Variants in KCND3 observed in about 807,000 individuals in gnomAD.
KCND3 encodes A-type voltage-gated potassium channel KCND3.
KCND3 carries 9 observed loss-of-function variants against 51.1 expected under a neutral mutation model. The ratio of observed to expected loss-of-function variants is 0.18; its 90% CI spans 0.11 to 0.31. The LOEUF (loss-of-function observed/expected upper bound fraction) is 0.31. Ranked by LOEUF, KCND3 falls within the 10% of genes least tolerant of loss-of-function variation. The pLI, the probability that KCND3 is intolerant of heterozygous loss-of-function variation, is 1.00. For missense variants in KCND3, 526 were observed against 903.8 expected (o/e 0.58, Z 5.36); for synonymous variants, 349 against 368.0 (o/e 0.95, Z 0.59).
Position 111,787,064 on chromosome 1 carries a change from G to A in KCND3, c.1149C>T (p.Phe383=), listed in dbSNP as rs760817061. The change falls in exon 3 of 8, where the codon TTC becomes TTT. Residue 383 remains phenylalanine, a synonymous_variant. Coordinates refer to ENST00000302127, the MANE Select transcript of KCND3 (RefSeq NM_001378969.1). ...MVPKTIAGKI[F]GSICSLSGVL... is the part of the protein sequence containing the mutation. ...CGCCACTCAAGGAGCAGATGGAGCC[G>A]AAGATCTTCCCTGCAATCGTCTTAG... 30 of 1,614,072 alleles carry A rather than the reference G, an allele frequency of 1.9e-5. No individual in the cohort carries two copies. In the African/African-American group the frequency reaches 2.7e-4, roughly 14 times the overall value.
At chr1:111,939,983 G>A (rs1168920168) in intron 2 of KCND3, among the ~76,000 whole-genome samples, 1 of 151,246 alleles carries the variant, frequency 6.6e-6, no homozygotes, top group African/African-American at 2.4e-5. Context: ...AATGCCCAGT[G>A]ATGATGAACT....
intron 2 of KCND3, among the ~76,000 whole-genome samples, chr1:111,886,578 C>G (rs997577705): frequency 1.1e-4 from 16 of 152,094 alleles, no homozygotes; most frequent in Admixed American, 6.5e-4. Context: ...TATTGGGAGG[C>G]CAATTTCAGT....
chr1:111,803,445 AT>A (rs1665413005), intron 2 of KCND3, among the ~76,000 whole-genome samples: 1 of 152,124 alleles, frequency 6.6e-6, no homozygotes. Context: ...TTTTGGGGTG[AT>A]TAGAGGTGGT....
intron 2 of KCND3, among the ~76,000 whole-genome samples, chr1:111,888,784 G>A (rs913147383): frequency 1.3e-5 from 2 of 151,920 alleles, no homozygotes; most frequent in South Asian, 2.1e-4. Flanking sequence ...AGGGGCTACC[G>A]AGAGAAGGAA....
intron 7 of KCND3, 21 bp from the exon 8 acceptor site, chr1:111,776,299 T>C: frequency 6.2e-7 from 1 of 1,609,476 alleles, no homozygotes; most frequent in Non-Finnish European, 8.5e-7. Flanking sequence ...AAAGAGTGAG[T>C]TGATGATGGT....
chr1:111,961,147 G>A (rs531327738), intron 2 of KCND3, among the ~76,000 whole-genome samples: 12 of 152,320 alleles, frequency 7.9e-5, no homozygotes, highest in Admixed American at 2.0e-4. Flanking sequence ...AGGGGCTGGC[G>A]GCCAGGATTC....
At chr1:111,850,096 T>G (rs1667740443) in intron 2 of KCND3, among the ~76,000 whole-genome samples, 1 of 152,180 alleles carries the variant, frequency 6.6e-6, no homozygotes, top group East Asian at 1.9e-4. Context: ...TGCTGCATCT[T>G]ACCACCTTTA....
At chr1:111,891,023 G>A (rs1669796890) in intron 2 of KCND3, among the ~76,000 whole-genome samples, 1 of 152,218 alleles carries the variant, frequency 6.6e-6, no homozygotes, top group African/African-American at 2.4e-5. Context: ...GCATGGCAGA[G>A]TGACTGAGAC....
rs1172244253 is a variant in KCND3, at chr1:111,770,936, CTT to C, written c.*5139_*5140del. On this transcript the variant is annotated 3_prime_UTR_variant, in exon 8 of 8. Transcript: ENST00000302127. ...TTATACGAAAATAGAAAAGAACACA[CTT>C]GATGTATCTCACGATGACATTAATG... 1.3e-5 allele frequency: 2 copies of C among 152,030 alleles called. No homozygotes were observed. Among genetic ancestry groups the C allele is most frequent in the African/African-American group, 4.8e-5 (2 of 41,388 alleles). The allele number at this position is 152,030 out of a possible 1,614,324, so 9.4% of individuals were successfully genotyped here.
chr1:111,986,134 T>G (rs1410411989), intron 1 of KCND3, among the ~76,000 whole-genome samples: 2 of 152,256 alleles, frequency 1.3e-5, no homozygotes, highest in Admixed American at 1.3e-4. Flanking sequence ...GGGCAAGGGA[T>G]GTTTGAGAAG....
intron 2 of KCND3, among the ~76,000 whole-genome samples, chr1:111,955,874 C>T (rs1471058157): frequency 6.6e-6 from 1 of 152,174 alleles, no homozygotes; most frequent in Non-Finnish European, 1.5e-5. Context: ...AACAAACAAT[C>T]TGGCTGAGGA....
At chr1:111,808,589 C>T (rs115607040) in intron 2 of KCND3, among the ~76,000 whole-genome samples, 2,234 of 152,316 alleles carry the variant, frequency 0.015, 38 homozygotes, top group African/African-American at 0.049. Flanking sequence ...CAACTGCAGA[C>T]TAAAGGTCAC....
chr1:111,982,753 C>A lies in KCND3; in HGVS notation c.-27G>T. ...GTGACTCCAGCTCTTGGGCCGGCAG[C>A]CGCGCGGACGCTAGGCACACCAGCT... On this transcript the variant is annotated 5_prime_UTR_variant, in exon 2 of 8. Transcript: ENST00000302127. This position sits in a 1 kb window ranked among gnomAD's most constrained non-coding sequence, Gnocchi z 8.5. 6.3e-7 allele frequency: 1 copy of A among 1,588,338 alleles called. No individual in the cohort carries two copies. The highest frequency in any genetic ancestry group is 8.5e-7 in the Non-Finnish European group (1 of 1,174,338).
At chr1:111,910,088 A>C (rs1465872560) in intron 2 of KCND3, 7 of 152,136 alleles carry the variant, frequency 4.6e-5, no homozygotes, top group African/African-American at 1.7e-4. Context: ...AGAAACTCCC[A>C]AACTCTCTCT....
rs1235071962 is a variant in KCND3, at chr1:111,777,140, C to G, written c.1652G>C (p.Ser551Thr). 6.2e-7 allele frequency: 1 copy of G among 1,614,046 alleles called. No homozygotes were observed. Among genetic ancestry groups the G allele is most frequent in the Non-Finnish European group, 8.5e-7 (1 of 1,180,030 alleles). The part of the protein sequence containing the change: ...GLTTTCCSRR[S>T]KKTTHLPNSN... ...ATTGGGCAGGTGTGTGGTCTTCTTA[C>G]TACGACGGGAGCAGCAGGTGGTAGT... The change falls in exon 7 of 8, where the codon AGT becomes ACT. Residue 551 changes from serine to threonine, a missense_variant. Physicochemically the swap from Ser to Thr is moderately conservative, Grantham distance 58. Around this residue, in one of 5 missense-constraint regions of KCND3, gnomAD observed 266 missense variants for 305.5 expected, o/e 0.87. Coordinates refer to ENST00000302127, the MANE Select transcript of KCND3 (RefSeq NM_001378969.1).
intron 2 of KCND3, among the ~76,000 whole-genome samples, chr1:111,896,883 C>T (rs1670138342): frequency 6.6e-6 from 1 of 152,190 alleles, no homozygotes. Context: ...AAGTACCTTC[C>T]CTATGGGTTG....
chr1:111,950,344 AC>A (rs1054509289), intron 2 of KCND3, among the ~76,000 whole-genome samples: 108 of 152,302 alleles, frequency 7.1e-4, no homozygotes, highest in African/African-American at 2.5e-3. Flanking sequence ...TGGGCTGGTA[AC>A]CCACTGTTTG....
chr1:111,788,909 T>A (rs1176360740), intron 2 of KCND3, among the ~76,000 whole-genome samples: 3 of 152,220 alleles, frequency 2.0e-5, no homozygotes, highest in Non-Finnish European at 2.9e-5. Context: ...CAATAGATAC[T>A]ATTACTTTTA....
At chr1:111,958,837 C>G (rs1673477602) in intron 2 of KCND3, among the ~76,000 whole-genome samples, 1 of 152,178 alleles carries the variant, frequency 6.6e-6, no homozygotes, top group Non-Finnish European at 1.5e-5. Flanking sequence ...CAACATGAAG[C>G]CTGAACTGGG....
Sources: gnomAD v4.1 joint callset for allele counts (sites outside exome capture counted in the v4.1 genomes callset) on GRCh38, gnomAD v4.1.1 for gene constraint, gnomAD v4.1.1 regional missense constraint, Gnocchi (gnomAD v3.1) non-coding constraint, MANE v1.5 for transcripts, NCBI Gene and HGNC (gene_info 2026-07-23, HGNC 2026-07-21) for gene names.